FAT1: variants seen among roughly 807,000 people sequenced by gnomAD.
FAT1 encodes FAT atypical cadherin 1.
A neutral mutation model predicts 329.8 loss-of-function variants in FAT1; 171 were observed. The observed-to-expected ratio is 0.52, with a 90% CI of 0.46 to 0.59. The LOEUF is 0.59. Among genes scored for constraint, FAT1 ranks in the 20% least tolerant of loss-of-function variants. The pLI is 0.00. For missense variants in FAT1, 5,672 were observed against 5,774.4 expected, an observed-to-expected ratio of 0.98 and a Z score of 0.57; for synonymous variants, 2,233 against 2,228.6, an observed-to-expected ratio of 1.00 and a Z score of -0.06.
At chr4:186,651,820 G>A (rs563053637) in intron 3 of FAT1, among the ~76,000 whole-genome samples, 69 of 152,282 alleles carry the variant, frequency 4.5e-4, no homozygotes, top group African/African-American at 1.6e-3. Flanking sequence ...GCACCGCACC[G>A]TCTTTACTCA....
chr4:186,726,088 C>T (rs544156931), upstream of FAT1, among the ~76,000 whole-genome samples: 8 of 152,366 alleles, frequency 5.3e-5, no homozygotes, highest in South Asian at 1.4e-3. Context: ...TAATAAGTTA[C>T]ATTCAAAATA....
intron 2 of FAT1, among the ~76,000 whole-genome samples, chr4:186,689,978 T>C (rs1369490562): frequency 6.6e-6 from 1 of 152,172 alleles, no homozygotes; most frequent in African/African-American, 2.4e-5. Flanking sequence ...AAAGAGTAAC[T>C]TTCCTATCAT....
At chr4:186,713,106 A>G (rs1745042722) in intron 1 of FAT1, among the ~76,000 whole-genome samples, 1 of 151,904 alleles carries the variant, frequency 6.6e-6, no homozygotes, top group South Asian at 2.1e-4. Flanking sequence ...CTAACAAACC[A>G]GTACTGACAC....
chr4:186,667,836 A>G (rs1303613661), intron 2 of FAT1, among the ~76,000 whole-genome samples: 1 of 152,206 alleles, frequency 6.6e-6, no homozygotes, highest in Non-Finnish European at 1.5e-5. Flanking sequence ...GCCAGGGTCA[A>G]CAGCTAACTG....
chr4:186,656,410 G>T (rs964802401), intron 3 of FAT1, among the ~76,000 whole-genome samples: 1 of 152,214 alleles, frequency 6.6e-6, no homozygotes. Context: ...ACTAAGGAAG[G>T]GAACGGAGTG....
At chr4:186,694,291 A>G (rs1411673225) in intron 2 of FAT1, among the ~76,000 whole-genome samples, 1 of 152,212 alleles carries the variant, frequency 6.6e-6, no homozygotes, top group African/African-American at 2.4e-5. Context: ...ACAGATTTCT[A>G]CTCAAATACA....
At chr4:186,615,566 C>T (rs540280304) in intron 11 of FAT1, among the ~76,000 whole-genome samples, 1 of 152,160 alleles carries the variant, frequency 6.6e-6, no homozygotes, top group Admixed American at 6.5e-5. Context: ...ATCAGGCATC[C>T]ATCCACGTCC....
At chr4:186,673,771 T>C (rs1218770516) in intron 2 of FAT1, among the ~76,000 whole-genome samples, 1 of 152,234 alleles carries the variant, frequency 6.6e-6, no homozygotes, top group African/African-American at 2.4e-5. Context: ...GGGATTTCTT[T>C]AGCTCTGCAA....
At chr4:186,672,029 T>C (rs1446838301) in intron 2 of FAT1, among the ~76,000 whole-genome samples, 1 of 152,198 alleles carries the variant, frequency 6.6e-6, no homozygotes, top group East Asian at 1.9e-4. Context: ...TCAACATTTG[T>C]TACTTTCCTT....
At chr4:186,666,040 G>T (rs1742420074) in intron 2 of FAT1, among the ~76,000 whole-genome samples, 1 of 117,226 alleles carries the variant, frequency 8.5e-6, no homozygotes, top group African/African-American at 3.2e-5. Flanking sequence ...CTGTCGTGGG[G>T]TGGGGGGAGG....
chr4:186,656,603 A>T (rs1471073389), intron 3 of FAT1, among the ~76,000 whole-genome samples: 1 of 151,830 alleles, frequency 6.6e-6, no homozygotes, highest in Non-Finnish European at 1.5e-5. Flanking sequence ...GGCCTTGCTG[A>T]GCAGGGTAAA....
At position 186,708,457 on chromosome 4, in the gene FAT1, A is replaced by C. The variant is rs1186451843; in HGVS notation, c.1371T>G (p.Asn457Lys). 6.2e-7 allele frequency: 1 copy of C among 1,613,906 alleles called. No individual in the cohort carries two copies. Among genetic ancestry groups the C allele is most frequent in the Non-Finnish European group, 8.5e-7 (1 of 1,179,878 alleles). Residue 457 changes from asparagine (N) to lysine (K), a missense_variant, in exon 2 of 27, where the codon AAT (asparagine) becomes AAG (lysine). Physicochemically the swap from Asn to Lys is moderately conservative, Grantham distance 94. This residue lies in a region of FAT1 where 3,966 missense variants were observed against 3,915.2 expected (regional missense o/e 1.01). Coordinates refer to ENST00000441802, the MANE Select transcript of FAT1 (RefSeq NM_005245.4). ...TKVLVKVLGA[N>K]SNPPEFTQTA... The stretch of plus-strand genomic sequence containing the variant: ...TCTGGGTAAATTCAGGGGGATTGCT[A>C]TTTGCACCTAAGACTTTCACCAAGA...
rs775096578 is a variant in FAT1 at position 186,708,952 on chromosome 4, T to A, written c.876A>T (p.Leu292Phe). ...DQGANGDIASLSIVAGDLLQQ... is the reference protein window; with the variant it reads ...DQGANGDIASFSIVAGDLLQQ... ...GGAGAAGGTCACCTGCCACGATGCTTAAAGATGCTATGTCACCATTGGCAC... is the reference window on the plus strand; with the variant it reads ...GGAGAAGGTCACCTGCCACGATGCTAAAAGATGCTATGTCACCATTGGCAC... Residue 292 changes from leucine to phenylalanine, a missense_variant, in exon 2 of 27, where the codon TTA becomes TTT. Physicochemically the swap from Leu to Phe is conservative, Grantham distance 22. Around this residue, in one of 2 missense-constraint regions of FAT1, gnomAD observed 3,966 missense variants for 3,915.2 expected, o/e 1.01. Transcript: ENST00000441802. The A allele has an allele frequency of 1.1e-5, 17 of 1,613,860 alleles. No individual in the cohort carries two copies. Among genetic ancestry groups the A allele is most frequent in the Admixed American group, 6.7e-5 (4 of 59,998 alleles).
upstream of FAT1, among the ~76,000 whole-genome samples, chr4:186,724,498 G>C (rs115203789): frequency 0.051 from 7,817 of 152,284 alleles, 662 homozygotes; most frequent in African/African-American, 0.18. This position sits in a 1 kb window ranked among gnomAD's most constrained non-coding sequence, Gnocchi z 5.3. Context: ...GGACGCCCAG[G>C]CCTGTGGGAC....
intron 3 of FAT1, among the ~76,000 whole-genome samples, chr4:186,656,571 C>T (rs1741912341): frequency 6.6e-6 from 1 of 152,180 alleles, no homozygotes; most frequent in Non-Finnish European, 1.5e-5. Context: ...AAACACACGT[C>T]ACAAACACAC....
chr4:186,722,832 C>T (rs1285484940), intron 1 of FAT1, among the ~76,000 whole-genome samples: 1 of 152,012 alleles, frequency 6.6e-6, no homozygotes, highest in African/African-American at 2.4e-5. Context: ...TTTAAAAAAT[C>T]GCCTCTATCA....
At chr4:186,634,276 A>T (rs189269487) in intron 6 of FAT1, among the ~76,000 whole-genome samples, 73 of 152,352 alleles carry the variant, frequency 4.8e-4, no homozygotes, top group African/African-American at 1.7e-3. Context: ...AGCGGTCGTT[A>T]ACTTTAATTA....
rs760240050 is a variant in FAT1, at chr4:186,617,966, C to A, written c.8620G>T (p.Glu2874Ter). 1.2e-6 allele frequency: 2 copies of A among 1,614,008 alleles called. No individual in the cohort carries two copies. The highest frequency in any genetic ancestry group is 1.7e-6 in the Non-Finnish European group (2 of 1,179,892). The change falls in exon 10 of 27, where the codon GAA (glutamate) becomes TAA (stop). Residue 2874 changes from glutamate (E) to a stop codon, truncating the protein, a stop_gained. Transcript: ENST00000441802. LOFTEE classifies it high-confidence loss of function. ...TTGTCTCTCTTTTCATGGTCAAGTT[C>A]CTTTAAAGTTGTAATCCAGCCTGTT... is the stretch of plus-strand genomic sequence containing the variant. ...METGWITTLKELDHEKRDNYQ... is the reference protein window; with the variant it reads ...METGWITTLK
In FAT1 at chr4:186,619,019, T is replaced by C. The variant is rs2126501335; in HGVS notation, c.7567A>G (p.Ile2523Val). 1 of 1,614,054 alleles carries C rather than the reference T, an allele frequency of 6.2e-7. No individual in the cohort carries two copies. The highest frequency in any genetic ancestry group is 2.2e-5 in the East Asian group (1 of 44,882). Residue 2523 changes from isoleucine (I) to valine (V), a missense_variant, in exon 10 of 27, where the codon ATT becomes GTT. Around this residue, in one of 2 missense-constraint regions of FAT1, gnomAD observed 3,966 missense variants for 3,915.2 expected, o/e 1.01. Coordinates refer to ENST00000441802, the MANE Select transcript of FAT1 (RefSeq NM_005245.4). ...EVKTTDGDSG[I>V]YGHVTYHIVN... ...ATATGGTAAGTAACGTGACCATAAA[T>C]ACCAGAATCCCCATCCGTAGTTTTC...
Sources: gnomAD v4.1 joint callset for allele counts (sites outside exome capture counted in the v4.1 genomes callset) on GRCh38, gnomAD v4.1.1 for gene constraint, gnomAD v4.1.1 regional missense constraint, Gnocchi (gnomAD v3.1) non-coding constraint, MANE v1.5 for transcripts, NCBI Gene and HGNC (gene_info 2026-07-23, HGNC 2026-07-21) for gene names.